Variants in SUGCT observed in about 807,000 individuals in gnomAD.
SUGCT encodes succinyl-CoA:glutarate CoA-transferase.
A neutral mutation model predicts 55.0 loss-of-function variants in SUGCT; 41 were observed. The observed-to-expected ratio is 0.74, with a 90% confidence interval of 0.58 to 0.97. The LOEUF (loss-of-function observed/expected upper bound fraction) is 0.97. Ranked by LOEUF, SUGCT falls within the 50% of genes least tolerant of loss-of-function variation. The probability of loss-of-function intolerance (pLI) is 0.00; values close to 1 mark genes in which losing one functional copy is unlikely to be tolerated. For synonymous variants in SUGCT, 187 were observed against 200.4 expected (o/e 0.93, Z 0.56); for missense variants, 568 against 547.8 (o/e 1.04, Z -0.37).
intron 12 of SUGCT, among the ~76,000 whole-genome samples, chr7:40,505,882 TTTC>T (rs1422525292): frequency 6.6e-6 from 1 of 152,128 alleles, no homozygotes; most frequent in African/African-American, 2.4e-5. Flanking sequence ...ATGGTATCTT[TTTC>T]TTATTTCCAT....
intron 6 of SUGCT, among the ~76,000 whole-genome samples, chr7:40,218,788 G>T (rs747425655): frequency 7.9e-5 from 12 of 152,168 alleles, no homozygotes; most frequent in Non-Finnish European, 1.3e-4. Context: ...GTTTGTAAAC[G>T]CACCAATCAG....
rs756376314 is a variant in SUGCT, at chr7:40,223,145, C to T, written c.485-14490C>T. Among the ~76,000 whole-genome samples the T allele has an allele frequency of 5.9e-5, 9 of 152,110 alleles. No homozygotes were observed. In the South Asian group the frequency reaches 1.7e-3, roughly 28 times the overall value. ...GCATGATCTCGGCTCACCGCAACCT[C>T]CGCCTCCTGTGTTCAAGCGATTCTC... On this transcript the variant is annotated intron_variant, in intron 6 of 13. Transcript: ENST00000335693.
At chr7:40,958,281 G>A in the SUGCT span, among the ~76,000 whole-genome samples, 1 of 151,984 alleles carries the variant, frequency 6.6e-6, no homozygotes, top group Non-Finnish European at 1.5e-5. Context: ...CATTCTCCCT[G>A]TCACTTTCAG....
At chr7:40,933,590 C>T in the SUGCT span, among the ~76,000 whole-genome samples, 4 of 152,162 alleles carry the variant, frequency 2.6e-5, no homozygotes, top group Admixed American at 2.6e-4. Flanking sequence ...TAGATTTGGT[C>T]TTTTCACATA....
At chr7:40,537,757 C>T (rs1320476947) in intron 12 of SUGCT, among the ~76,000 whole-genome samples, 1 of 152,146 alleles carries the variant, frequency 6.6e-6, no homozygotes, top group Non-Finnish European at 1.5e-5. Context: ...TTTCAGGAAA[C>T]TATCTGATCA....
chr7:40,314,581 T>TTTTTA (rs869061757), intron 8 of SUGCT, among the ~76,000 whole-genome samples: 3 of 148,960 alleles, frequency 2.0e-5, no homozygotes, highest in Non-Finnish European at 4.5e-5. Context: ...TTTTTTTTTT[T>TTTTTA]AAGACAGAGT....
intron 1 of SUGCT, among the ~76,000 whole-genome samples, chr7:40,174,996 A>G (rs1348377133): frequency 6.6e-6 from 1 of 152,102 alleles, no homozygotes; most frequent in Non-Finnish European, 1.5e-5. Flanking sequence ...TTTTATTTTA[A>G]GTGGAATTGC....
chr7:40,952,076 G>A, the SUGCT span, among the ~76,000 whole-genome samples: 3 of 152,130 alleles, frequency 2.0e-5, no homozygotes, highest in African/African-American at 7.2e-5. Context: ...CATTATTATT[G>A]TGTGGGAGTC....
the SUGCT span, among the ~76,000 whole-genome samples, chr7:41,024,439 C>T: frequency 6.6e-6 from 1 of 152,274 alleles, no homozygotes; most frequent in African/African-American, 2.4e-5. Context: ...AAACTTGTTA[C>T]ACTCTTAACC....
intron 9 of SUGCT, among the ~76,000 whole-genome samples, chr7:40,342,551 T>G (rs1432638335): frequency 1.3e-5 from 2 of 152,224 alleles, no homozygotes; most frequent in African/African-American, 4.8e-5. Context: ...AGGAAATATC[T>G]GTTATCAATG....
the SUGCT span, among the ~76,000 whole-genome samples, chr7:40,959,036 G>T: frequency 0.017 from 2,660 of 152,270 alleles, 28 homozygotes; most frequent in Non-Finnish European, 0.024. Flanking sequence ...CCTTCCTCTG[G>T]AAGCTTCATC....
At chr7:40,156,207 T>C (rs900134933) in intron 1 of SUGCT, among the ~76,000 whole-genome samples, 16 of 152,108 alleles carry the variant, frequency 1.1e-4, no homozygotes, top group Non-Finnish European at 1.6e-4. Flanking sequence ...CTCACACCTA[T>C]AATCCCAGAA....
chr7:40,816,504 T>A (rs1016995701), intron 13 of SUGCT, among the ~76,000 whole-genome samples: 2 of 152,200 alleles, frequency 1.3e-5, no homozygotes, highest in South Asian at 2.1e-4. Context: ...TCTCATGTAC[T>A]GGGGTTTTAC....
chr7:40,981,525 T>G, the SUGCT span, among the ~76,000 whole-genome samples: 1 of 152,222 alleles, frequency 6.6e-6, no homozygotes, highest in Non-Finnish European at 1.5e-5. Context: ...CTTTTTGCAA[T>G]ATGGAGGGGC....
intron 9 of SUGCT, among the ~76,000 whole-genome samples, chr7:40,361,251 A>G (rs897514650): frequency 2.0e-5 from 3 of 152,068 alleles, no homozygotes; most frequent in African/African-American, 4.8e-5. Flanking sequence ...TAGGATACCA[A>G]CAAAGCACAG....
chr7:40,878,795 C>CTT, the SUGCT span, among the ~76,000 whole-genome samples: 26 of 139,356 alleles, frequency 1.9e-4, no homozygotes, highest in Admixed American at 1.1e-3. Flanking sequence ...CTTTCTCAAA[C>CTT]TTTTTTTTTT....
chr7:40,201,650 C>T (rs1786608514), intron 6 of SUGCT, among the ~76,000 whole-genome samples: 1 of 152,116 alleles, frequency 6.6e-6, no homozygotes, highest in African/African-American at 2.4e-5. Context: ...GGAAGAGAAA[C>T]TTAGCATATA....
intron 12 of SUGCT, among the ~76,000 whole-genome samples, chr7:40,716,496 T>C (rs967804776): frequency 2.0e-5 from 3 of 152,242 alleles, no homozygotes; most frequent in Non-Finnish European, 4.4e-5. Context: ...ATCTATTAAA[T>C]GCTTGTTGTG....
intron 12 of SUGCT, among the ~76,000 whole-genome samples, chr7:40,509,784 C>T (rs928951816): frequency 6.6e-6 from 1 of 152,100 alleles, no homozygotes; most frequent in African/African-American, 2.4e-5. Flanking sequence ...GAATTCTGTT[C>T]TTCTTCCTCA....
Sources: allele counts gnomAD v4.1 joint callset (sites outside exome capture counted in the v4.1 genomes callset), GRCh38; gene constraint gnomAD v4.1.1; transcripts MANE v1.5; gene names NCBI Gene and HGNC (gene_info 2026-07-23, HGNC 2026-07-21).